The following RBFOX1 variants were observed in gnomAD, a reference collection of about 807,000 sequenced individuals.
The protein encoded by RBFOX1 is RNA binding fox-1 homolog 1.
A neutral mutation model predicts 57.7 loss-of-function variants in RBFOX1; 8 were observed. That is an observed-to-expected ratio of 0.14 (90% CI 0.08 to 0.25). The LOEUF is 0.25. RBFOX1 is among the 10% of genes least tolerant of loss of function. The pLI, the probability that RBFOX1 is intolerant of heterozygous loss-of-function variation, is 1.00. For missense variants in RBFOX1, 611 were observed against 548.5 expected (o/e 1.11, Z -1.14); for synonymous variants, 326 against 222.4 (o/e 1.47, Z -4.15).
At position 6,274,826 on chromosome 16, in the gene RBFOX1, A is replaced by G. The variant is rs562238711; in HGVS notation, c.-126-42169A>G. ...ACTAAGTGCTATTCAGAGAATGAGCAGAAGGAGGACAGTTGAACTTTCCTA... is the reference window on the plus strand; with the variant it reads ...ACTAAGTGCTATTCAGAGAATGAGCGGAAGGAGGACAGTTGAACTTTCCTA... On this transcript the variant is annotated intron_variant, in intron 1 of 15. Transcript: ENST00000550418. Among the ~76,000 whole-genome samples, 10 of 152,342 alleles carry G rather than the reference A, an allele frequency of 6.6e-5. No homozygotes were observed. The South Asian group carries it at 1.4e-3, about 22-fold the overall frequency.
intron 5 of RBFOX1, among the ~76,000 whole-genome samples, chr16:7,579,402 G>T (rs751709013): frequency 2.6e-4 from 39 of 151,766 alleles, no homozygotes; most frequent in Non-Finnish European, 4.3e-4. Context: ...TGAGGTTCTC[G>T]CTCCCCACCT....
intron 3 of RBFOX1, among the ~76,000 whole-genome samples, chr16:5,641,578 T>C (rs2048877411): frequency 6.6e-6 from 1 of 152,208 alleles, no homozygotes; most frequent in African/African-American, 2.4e-5. Context: ...ATACCATTTA[T>C]TGCAAGTGTG....
At chr16:5,581,155 T>G (rs2046651977) in intron 2 of RBFOX1, among the ~76,000 whole-genome samples, 1 of 152,026 alleles carries the variant, frequency 6.6e-6, no homozygotes, top group African/African-American at 2.4e-5. Context: ...TTTCTTGGAC[T>G]CCTATGTGCA....
chr16:6,738,366 G>T (rs571465018), intron 3 of RBFOX1, among the ~76,000 whole-genome samples: 3 of 152,076 alleles, frequency 2.0e-5, no homozygotes, highest in African/African-American at 4.8e-5. Context: ...CTGAGGGTCC[G>T]GGGAGCAAGG....
intron 2 of RBFOX1, among the ~76,000 whole-genome samples, chr16:6,562,470 A>C (rs761226045): frequency 1.3e-5 from 2 of 152,264 alleles, no homozygotes; most frequent in Admixed American, 6.5e-5. Flanking sequence ...CTGTGCTGGC[A>C]TACAGGAGGT....
At chr16:6,483,161 G>T in intron 2 of RBFOX1, 1 of 1,093,186 alleles carries the variant, frequency 9.1e-7, no homozygotes, top group Non-Finnish European at 1.1e-6. Context: ...AAAACATTGG[G>T]CGTCTCATTT....
At chr16:6,715,508 C>G (rs1483752533) in intron 3 of RBFOX1, among the ~76,000 whole-genome samples, 1 of 152,122 alleles carries the variant, frequency 6.6e-6, no homozygotes, top group Admixed American at 6.5e-5. Flanking sequence ...AGCTTTGTGT[C>G]CCAACCAATT....
intron 2 of RBFOX1, among the ~76,000 whole-genome samples, chr16:6,452,972 G>C (rs966602254): frequency 1.3e-5 from 2 of 152,258 alleles, no homozygotes; most frequent in African/African-American, 4.8e-5. Context: ...TCTGTATGAT[G>C]TTCAGCGTTG....
chr16:6,072,656 A>G (rs933777838), intron 1 of RBFOX1, among the ~76,000 whole-genome samples: 2 of 151,008 alleles, frequency 1.3e-5, no homozygotes, highest in African/African-American at 2.4e-5. Flanking sequence ...GATAATAGGC[A>G]TTGTAACAGG....
intron 4 of RBFOX1, among the ~76,000 whole-genome samples, chr16:5,912,206 C>T (rs568805237): frequency 3.3e-5 from 5 of 152,076 alleles, no homozygotes; most frequent in Non-Finnish European, 7.4e-5. Flanking sequence ...GTTTTTTCAT[C>T]CATGTAGGGG....
intron 1 of RBFOX1, among the ~76,000 whole-genome samples, chr16:6,214,926 G>A (rs1301898791): frequency 1.5e-5 from 2 of 133,158 alleles, no homozygotes; most frequent in Admixed American, 7.3e-5. Flanking sequence ...GGGAGAGGGA[G>A]AGGGAGAGGG....
rs565303249 is a variant in RBFOX1, at chr16:6,229,995, C to G, written c.-126-87000C>G. Among the ~76,000 whole-genome samples, 6 of 152,144 alleles carry G rather than the reference C, an allele frequency of 3.9e-5. No individual in the cohort carries two copies. In the South Asian group the frequency reaches 1.3e-3, roughly 32 times the overall value. On this transcript the variant is annotated intron_variant, in intron 1 of 15. Transcript: ENST00000550418. The stretch of plus-strand genomic sequence containing the variant: ...GTGCATTCAGTACACAAAAAATTGC[C>G]TGTTATCTAGGGTGTACTTGACTAT...
chr16:7,429,115 G>A (rs966920933), intron 4 of RBFOX1, among the ~76,000 whole-genome samples: 8 of 152,182 alleles, frequency 5.3e-5, no homozygotes, highest in African/African-American at 1.7e-4. Context: ...GTGGGAAATC[G>A]AGCGGCATAA....
chr16:5,644,729 G>C (rs2048991687), intron 3 of RBFOX1, among the ~76,000 whole-genome samples: 1 of 152,154 alleles, frequency 6.6e-6, no homozygotes, highest in Non-Finnish European at 1.5e-5. Context: ...AAAAAGCCCA[G>C]GTATGGCTGA....
At chr16:7,710,048 G>A (rs775998156) in intron 15 of RBFOX1, 2 of 1,001,736 alleles carry the variant, frequency 2.0e-6, no homozygotes, top group Non-Finnish European at 2.4e-6. Flanking sequence ...GTTCACTGAA[G>A]CTCAGTCATA....
chr16:7,709,397 CAT>C (rs1372576726), intron 15 of RBFOX1: 51 of 1,258,102 alleles, frequency 4.1e-5, no homozygotes, highest in Non-Finnish European at 5.1e-5. Context: ...AATAATTAGT[CAT>C]TTTGATAATT....
At chr16:5,824,021 C>T (rs1281463907) in intron 3 of RBFOX1, among the ~76,000 whole-genome samples, 2 of 152,140 alleles carry the variant, frequency 1.3e-5, no homozygotes, top group Admixed American at 1.3e-4. Flanking sequence ...GAGTTAAGGA[C>T]AAGGCCCTGT....
chr16:6,223,971 T>C (rs960891410), intron 1 of RBFOX1, among the ~76,000 whole-genome samples: 40 of 152,170 alleles, frequency 2.6e-4, no homozygotes, highest in Admixed American at 1.7e-3. Flanking sequence ...CCTTTCCCCA[T>C]TGCTTGTTTT....
At position 6,736,139 on chromosome 16, in the gene RBFOX1, G is replaced by A. The variant is rs555791192; in HGVS notation, c.-16+81489G>A. ...CATAAATACAATTTATGTCCATGTTGTTACCATGGAAAACCAGTTTATTTT... is the reference window on the plus strand; with the variant it reads ...CATAAATACAATTTATGTCCATGTTATTACCATGGAAAACCAGTTTATTTT... On this transcript the variant is annotated intron_variant, in intron 3 of 15. Transcript: ENST00000550418. Among the ~76,000 whole-genome samples the A allele has an allele frequency of 3.3e-5, 5 of 152,060 alleles. No homozygotes were observed. The South Asian group carries it at 8.3e-4, about 25-fold the overall frequency.
Sources: allele counts gnomAD v4.1 joint callset (sites outside exome capture counted in the v4.1 genomes callset), GRCh38; gene constraint gnomAD v4.1.1; transcripts MANE v1.5; gene names NCBI Gene and HGNC (gene_info 2026-07-23, HGNC 2026-07-21).